SHMT1: variants seen among roughly 807,000 people sequenced by gnomAD.
SHMT1 encodes the protein serine hydroxymethyltransferase 1.
SHMT1 carries 45 observed loss-of-function variants against 49.0 expected under a neutral mutation model. The observed-to-expected ratio is 0.92, with a 90% CI of 0.72 to 1.18. The LOEUF (loss-of-function observed/expected upper bound fraction) is 1.18. SHMT1 is among the 50% of genes most tolerant of loss of function. The pLI is 0.00. For synonymous variants in SHMT1, 232 were observed against 246.6 expected (o/e 0.94, Z 0.55); for missense variants, 541 against 612.4 (o/e 0.88, Z 1.23).
intron 3 of SHMT1, 149 bp downstream of exon 3, chr17:18,353,523 A>ACATGCTGG: frequency 4.7e-6 from 4 of 848,848 alleles, no homozygotes; most frequent in Non-Finnish European, 8.2e-6. Context: ...TGGGAATAAA[A>ACATGCTGG]GAGTTCTGTC....
At chr17:18,344,577 GAAAAAAAAA>G (rs10655994) in intron 5 of SHMT1, among the ~76,000 whole-genome samples, 4 of 65,384 alleles carry the variant, frequency 6.1e-5, no homozygotes, top group Admixed American at 2.1e-4. Flanking sequence ...ACAATTACCG[GAAAAAAAAA>G]AAAAAAAAAA....
chr17:18,352,828 A>G (rs896929617), intron 3 of SHMT1, among the ~76,000 whole-genome samples: 1 of 147,304 alleles, frequency 6.8e-6, no homozygotes, highest in African/African-American at 2.5e-5. Context: ...AAAAAAGAAG[A>G]AAAAAAAAAA....
intron 5 of SHMT1, among the ~76,000 whole-genome samples, chr17:18,343,251 T>A (rs1456790152): frequency 1.4e-5 from 2 of 146,236 alleles, no homozygotes; most frequent in Non-Finnish European, 3.0e-5. Context: ...GATGTAAAAT[T>A]TAAAATAATT....
chr17:18,334,404 G>C (rs1567771610), intron 8 of SHMT1, among the ~76,000 whole-genome samples: 1 of 152,198 alleles, frequency 6.6e-6, no homozygotes, highest in Non-Finnish European at 1.5e-5. Context: ...GCTTCTCTCT[G>C]AGGAACTGCT....
In SHMT1 at chr17:18,338,401, G is replaced by GT. The variant is rs1480449038; in HGVS notation, c.814+1641dup. The stretch of plus-strand genomic sequence containing the variant: ...GCCAGCCGCCCCGTCCGGGAGGGAG[G>GT]TGGGGGGCAGCCCCCGCCTGGCCGT... On this transcript the variant is annotated intron_variant, in intron 7 of 11. Transcript: ENST00000316694. Among the ~76,000 whole-genome samples, 18 of 151,360 alleles carry GT rather than the reference G, an allele frequency of 1.2e-4. No homozygotes were observed. In the South Asian group the frequency reaches 1.9e-3, roughly 16 times the overall value.
intron 7 of SHMT1, among the ~76,000 whole-genome samples, chr17:18,337,645 C>G (rs1983955373): frequency 6.6e-6 from 1 of 151,276 alleles, no homozygotes; most frequent in Admixed American, 6.6e-5. Context: ...TGTACTGCCG[C>G]CATCTCGGCT....
intron 5 of SHMT1, among the ~76,000 whole-genome samples, chr17:18,346,569 G>C (rs1488448497): frequency 6.6e-6 from 1 of 152,208 alleles, no homozygotes; most frequent in African/African-American, 2.4e-5. Flanking sequence ...GGTATGTGCA[G>C]TGGGGTGGCA....
At chr17:18,341,861 GCAGAAC>G (rs1984560922) in intron 5 of SHMT1, among the ~76,000 whole-genome samples, 1 of 152,164 alleles carries the variant, frequency 6.6e-6, no homozygotes, top group South Asian at 2.1e-4. Context: ...TTAACCAGAA[GCAGAAC>G]CACACACAAC....
chr17:18,350,741 T>C (rs1026232611), intron 3 of SHMT1, among the ~76,000 whole-genome samples: 2 of 152,072 alleles, frequency 1.3e-5, no homozygotes, highest in Non-Finnish European at 2.9e-5. Context: ...GTTTTCTTTT[T>C]TTTTTTTCTG....
intron 9 of SHMT1, chr17:18,332,364 G>A (rs1983308522): frequency 6.6e-6 from 1 of 152,654 alleles, no homozygotes; most frequent in Non-Finnish European, 1.5e-5. Flanking sequence ...TAGACCAGGA[G>A]GCCTGTAATC....
intron 5 of SHMT1, among the ~76,000 whole-genome samples, chr17:18,344,553 T>G (rs1984874137): frequency 6.8e-6 from 1 of 146,728 alleles, no homozygotes; most frequent in African/African-American, 2.6e-5. Flanking sequence ...AATTCTAAAA[T>G]TTTTTGTGTA....
chr17:18,348,145 G>A (rs576584211), intron 4 of SHMT1, 180 bp downstream of exon 4: 5 of 639,298 alleles, frequency 7.8e-6, no homozygotes, highest in Non-Finnish European at 1.4e-5. Context: ...GTCTTGAACT[G>A]CCGGCCTCAG....
intron 9 of SHMT1, 27 bp downstream of exon 9, chr17:18,333,139 C>T: frequency 6.2e-7 from 1 of 1,613,452 alleles, no homozygotes. Flanking sequence ...CAAGAACAGG[C>T]CTGCTGAACA....
At chr17:18,329,110 A>G (rs1473002971) in intron 11 of SHMT1, among the ~76,000 whole-genome samples, 168 bp downstream of exon 11, 1 of 152,126 alleles carries the variant, frequency 6.6e-6, no homozygotes, top group Non-Finnish European at 1.5e-5. Context: ...GCCCAAATTT[A>G]TAACCCTCTC....
At chr17:18,355,595 T>C (rs2151604137) in intron 2 of SHMT1, among the ~76,000 whole-genome samples, 1 of 152,194 alleles carries the variant, frequency 6.6e-6, no homozygotes, top group Non-Finnish European at 1.5e-5. Flanking sequence ...TTCAGATGTC[T>C]AGATAGATCT....
chr17:18,330,120 T>TGAAC (rs1380558146), intron 10 of SHMT1, among the ~76,000 whole-genome samples: 1 of 151,058 alleles, frequency 6.6e-6, no homozygotes, highest in Admixed American at 6.6e-5. Flanking sequence ...ATTACAGGTG[T>TGAAC]GAACCACTGC....
rs1223500737 is a variant in SHMT1, at chr17:18,345,301, A to C, written c.519+2195T>G. On this transcript the variant is annotated intron_variant, in intron 5 of 11. Transcript: ENST00000316694. The stretch of plus-strand genomic sequence containing the variant: ...GAGATGGAGTCTTGCTCTGTCACCT[A>C]GGCTGGAGTGCACTGGTGCAATCTT... 3.3e-5 allele frequency among the ~76,000 whole-genome samples: 5 copies of C among 152,114 alleles called. No homozygotes were observed. The East Asian group carries it at 9.6e-4, about 29-fold the overall frequency.
chr17:18,357,864 CTT>C (rs1165307729), intron 1 of SHMT1, among the ~76,000 whole-genome samples: 15 of 121,434 alleles, frequency 1.2e-4, no homozygotes, highest in African/African-American at 3.5e-4. Context: ...AGCTAGGACT[CTT>C]TTTTTTTTTT....
chr17:18,331,029 C>A, intron 9 of SHMT1: 1 of 366,074 alleles, frequency 2.7e-6, no homozygotes, highest in South Asian at 2.1e-5. Flanking sequence ...GAATATTGGG[C>A]AGCAGTTCAA....
Sources: gnomAD v4.1 joint callset for allele counts (sites outside exome capture counted in the v4.1 genomes callset) on GRCh38, gnomAD v4.1.1 for gene constraint, MANE v1.5 for transcripts, NCBI Gene and HGNC (gene_info 2026-07-23, HGNC 2026-07-21) for gene names.